ABTB3: variants seen among roughly 807,000 people sequenced by gnomAD.
ABTB3 encodes ankyrin repeat- and BTB/POZ domain-containing protein 3.
chr12:107,324,997 C>T, the ABTB3 span, among the ~76,000 whole-genome samples: 10 of 152,142 alleles, frequency 6.6e-5, no homozygotes, highest in African/African-American at 1.9e-4. Flanking sequence ...CCAAACCGAA[C>T]GCAATGGGCG....
chr12:107,491,306 C>T, the ABTB3 span, among the ~76,000 whole-genome samples: 1 of 152,184 alleles, frequency 6.6e-6, no homozygotes, highest in South Asian at 2.1e-4. Context: ...CTCACACCAT[C>T]AGTAGATAAG....
At chr12:107,653,570 A>T in the ABTB3 span, among the ~76,000 whole-genome samples, 18 of 152,010 alleles carry the variant, frequency 1.2e-4, no homozygotes, top group African/African-American at 4.3e-4. Context: ...GTGAGATGCT[A>T]CTTGCTTGTC....
the ABTB3 span, among the ~76,000 whole-genome samples, chr12:107,365,382 A>G: frequency 6.6e-6 from 1 of 152,162 alleles, no homozygotes; most frequent in Non-Finnish European, 1.5e-5. Flanking sequence ...GGGGATATGA[A>G]GGAAATCACA....
the ABTB3 span, among the ~76,000 whole-genome samples, chr12:107,627,556 G>A: frequency 4.5e-4 from 69 of 152,300 alleles, no homozygotes; most frequent in Non-Finnish European, 7.2e-4. Context: ...ACTCTGCTCC[G>A]TTTCAGGGTT....
the ABTB3 span, among the ~76,000 whole-genome samples, chr12:107,386,112 A>G: frequency 0.58 from 88,935 of 152,072 alleles, 26,577 homozygotes; most frequent in East Asian, 0.7. Context: ...CTCCTGCCTC[A>G]GGGCCTTTGC....
chr12:107,394,033 A>G, the ABTB3 span, among the ~76,000 whole-genome samples: 1 of 152,214 alleles, frequency 6.6e-6, no homozygotes. Context: ...GTTCCCACCC[A>G]TGACCACTAA....
the ABTB3 span, among the ~76,000 whole-genome samples, chr12:107,466,667 G>C: frequency 3.5e-4 from 53 of 152,068 alleles, 1 homozygote; most frequent in African/African-American, 9.2e-4. Context: ...ACTTCTGCAT[G>C]GGGTTGATGC....
chr12:107,457,016 C>T, the ABTB3 span, among the ~76,000 whole-genome samples: 3 of 152,156 alleles, frequency 2.0e-5, no homozygotes, highest in Non-Finnish European at 2.9e-5. Context: ...CCCGCCACCA[C>T]GCCCAGCTAA....
chr12:107,510,853 T>A, the ABTB3 span, among the ~76,000 whole-genome samples: 1 of 151,352 alleles, frequency 6.6e-6, no homozygotes. Flanking sequence ...GCCTGGGAGG[T>A]GGAGGTTGCA....
the ABTB3 span, among the ~76,000 whole-genome samples, chr12:107,468,274 G>A: frequency 5.3e-5 from 8 of 152,160 alleles, no homozygotes; most frequent in African/African-American, 1.9e-4. Flanking sequence ...GCCGGCTGGG[G>A]TGTTTATTTT....
the ABTB3 span, among the ~76,000 whole-genome samples, chr12:107,631,920 G>A: frequency 8.1e-4 from 124 of 152,208 alleles, 1 homozygote; most frequent in African/African-American, 2.7e-3. Context: ...TTTCCATACC[G>A]TCCTCTTTGG....
chr12:107,349,811 TA>T, the ABTB3 span, among the ~76,000 whole-genome samples: 1 of 152,240 alleles, frequency 6.6e-6, no homozygotes, highest in South Asian at 2.1e-4. Context: ...AGGATTAATT[TA>T]AAAAATGCCT....
At chr12:107,631,272 G>A in the ABTB3 span, among the ~76,000 whole-genome samples, 1 of 152,304 alleles carries the variant, frequency 6.6e-6, no homozygotes, top group East Asian at 1.9e-4. Flanking sequence ...TACTGCAAAG[G>A]ACATGATTTC....
At chr12:107,617,136 C>T in the ABTB3 span, 52 of 1,614,104 alleles carry the variant, frequency 3.2e-5, no homozygotes, top group Middle Eastern at 3.3e-4. Context: ...TGGAGCATGG[C>T]GAGGAGAACT....
At chr12:107,520,917 T>C in the ABTB3 span, among the ~76,000 whole-genome samples, 1 of 152,208 alleles carries the variant, frequency 6.6e-6, no homozygotes, top group South Asian at 2.1e-4. Flanking sequence ...AGAGAAAATA[T>C]CAATGCCTAC....
the ABTB3 span, chr12:107,318,979 G>T: frequency 6.2e-7 from 1 of 1,613,672 alleles, no homozygotes; most frequent in Non-Finnish European, 8.5e-7. Flanking sequence ...TGAGAACGCT[G>T]GAGGATCTGA....
chr12:107,576,353 C>A, the ABTB3 span, among the ~76,000 whole-genome samples: 1 of 152,188 alleles, frequency 6.6e-6, no homozygotes, highest in Non-Finnish European at 1.5e-5. Flanking sequence ...AATTGATTTT[C>A]TCCCCATTCT....
At chr12:107,408,850 C>G in the ABTB3 span, among the ~76,000 whole-genome samples, 84 of 152,322 alleles carry the variant, frequency 5.5e-4, no homozygotes, top group South Asian at 0.016. Context: ...GAGATTGAAC[C>G]TTGCACCAGA....
At chr12:107,351,042 A>G in the ABTB3 span, among the ~76,000 whole-genome samples, 1 of 152,204 alleles carries the variant, frequency 6.6e-6, no homozygotes, top group African/African-American at 2.4e-5. Context: ...AACCGGAAAA[A>G]AAAACCAAGC....
Sources: gnomAD v4.1 joint callset for allele counts (sites outside exome capture counted in the v4.1 genomes callset) on GRCh38, gnomAD v4.1.1 for gene constraint, MANE v1.5 for transcripts, NCBI Gene and HGNC (gene_info 2026-07-23, HGNC 2026-07-21) for gene names.